Variants in TBC1D31 observed in about 807,000 individuals in gnomAD.
TBC1D31 encodes WD repeat domain 67.
TBC1D31 carries 99 observed loss-of-function variants against 132.9 expected under a neutral mutation model. That is an observed-to-expected ratio of 0.74 (90% confidence interval 0.63 to 0.88). TBC1D31 has a LOEUF of 0.88. Ranked by LOEUF, TBC1D31 falls within the 40% of genes least tolerant of loss-of-function variation. The pLI is 0.00. For missense variants in TBC1D31, 1,134 were observed against 1,256.6 expected (o/e 0.90, Z 1.48); for synonymous variants, 385 against 419.4 (o/e 0.92, Z 1.00).
chr8:123,108,963 C>T (rs1351965287), intron 8 of TBC1D31, among the ~76,000 whole-genome samples: 7 of 152,132 alleles, frequency 4.6e-5, no homozygotes, highest in East Asian at 1.9e-4. Flanking sequence ...GAACTACCCC[C>T]GTGATCCAGT....
In TBC1D31 at chr8:123,077,254, A is replaced by G. The variant is rs1814623327; in HGVS notation, c.221A>G (p.Asn74Ser). 3 of 1,609,528 alleles carry G rather than the reference A, an allele frequency of 1.9e-6. No homozygotes were observed. The highest frequency in any genetic ancestry group is 4.5e-5 in the East Asian group (2 of 44,816). ...GNIYVFDLHGNRFNLVQRTAQ... is the reference protein window; with the variant it reads ...GNIYVFDLHGSRFNLVQRTAQ... ...ATTTATGTTTTTGACTTACATGGAA[A>G]CAGGTAAGCAGATACCATTGATATC... The change falls in exon 2 of 22, where the codon AAC becomes AGC. Residue 74 changes from asparagine to serine, a missense_variant. By Grantham distance (46) the Asn-to-Ser change is conservative. Transcript: ENST00000287380.
chr8:123,117,503 C>A (rs1272667218), intron 10 of TBC1D31, among the ~76,000 whole-genome samples: 1 of 151,948 alleles, frequency 6.6e-6, no homozygotes, highest in Non-Finnish European at 1.5e-5. Flanking sequence ...GCCTGTAATC[C>A]CAGCACTTTG....
At chr8:123,093,531 T>C (rs1195576690) in intron 4 of TBC1D31, 60 bp from the exon 5 acceptor site, 6 of 1,206,558 alleles carry the variant, frequency 5.0e-6, no homozygotes, top group Non-Finnish European at 5.6e-6. Context: ...TGTATAATTT[T>C]AAATTTAAAG....
Position 123,128,455 on chromosome 8 carries a change from T to G in TBC1D31, c.2059T>G (p.Tyr687Asp), listed in dbSNP as rs778786241. 6.2e-7 allele frequency: 1 copy of G among 1,613,940 alleles called. No homozygotes were observed. The highest frequency in any genetic ancestry group is 8.5e-7 in the Non-Finnish European group (1 of 1,179,816). ...FNQYPKFIVD[Y>D]QTQERERIRN... ...TCAATATCCAAAGTTTATTGTGGAC[T>G]ATCAAACACAGGAACGAGAAAGAAT... The change falls in exon 14 of 22, where the codon TAT (tyrosine) becomes GAT (aspartate). Residue 687 changes from tyrosine (Y) to aspartate (D), a missense_variant. Transcript: ENST00000287380.
At chr8:123,159,456 T>C in the TBC1D31 span, among the ~76,000 whole-genome samples, 2 of 152,056 alleles carry the variant, frequency 1.3e-5, no homozygotes, top group Non-Finnish European at 2.9e-5. Context: ...ACTATTTCTG[T>C]AGAAAGGGGT....
chr8:123,131,162 G>A lies in TBC1D31; in HGVS notation c.2406+829G>A, dbSNP rs192424946. On this transcript the variant is annotated intron_variant, in intron 16 of 21. Transcript: ENST00000287380. ...GCAGATCACCTGAGGTCAGGAGTTC[G>A]GAACCAGCCTGGCCAACATGGTGAA... Among the ~76,000 whole-genome samples the A allele has an allele frequency of 4.6e-3, 698 of 151,408 alleles. 19 individuals carry two copies. The highest frequency in any genetic ancestry group is 0.026 in the East Asian group (133 of 5,020).
intron 6 of TBC1D31, among the ~76,000 whole-genome samples, chr8:123,098,057 G>A (rs184194185): frequency 7.9e-5 from 12 of 152,020 alleles, no homozygotes; most frequent in Admixed American, 6.6e-4. Flanking sequence ...TAACAGATTA[G>A]ATATATGTTT....
intron 8 of TBC1D31, among the ~76,000 whole-genome samples, chr8:123,108,145 TAA>T (rs2130512228): frequency 6.6e-6 from 1 of 152,310 alleles, no homozygotes; most frequent in Non-Finnish European, 1.5e-5. Flanking sequence ...AAAAGAGCAC[TAA>T]ACGAAATCAG....
chr8:123,126,845 G>A (rs62521801), intron 13 of TBC1D31, among the ~76,000 whole-genome samples, 158 bp downstream of exon 13: 10,288 of 151,922 alleles, frequency 0.068, 431 homozygotes, highest in Non-Finnish European at 0.092. Context: ...AAGTTCAAGC[G>A]ATTCTCCTGC....
rs1271485420 is a variant in TBC1D31 at position 123,097,273 on chromosome 8, T to A, written c.672-9T>A. On this transcript the variant is annotated splice_polypyrimidine_tract_variant and intron_variant, in intron 5 of 21. Coordinates refer to ENST00000287380, the MANE Select transcript of TBC1D31 (RefSeq NM_145647.4). Reference sequence around the variant, plus strand: ...CCCGTTTTTCTTTCTCACTTTTTTGTTTATATAGAGATGGCCGAATCCTGG... The same window carrying A: ...CCCGTTTTTCTTTCTCACTTTTTTGATTATATAGAGATGGCCGAATCCTGG... 3 of 1,612,762 alleles carry A rather than the reference T, an allele frequency of 1.9e-6. No homozygotes were observed. Among genetic ancestry groups the A allele is most frequent in the Non-Finnish European group, 2.5e-6 (3 of 1,179,706 alleles).
chr8:123,102,356 A>ATTTG, intron 7 of TBC1D31: 14 of 354,650 alleles, frequency 3.9e-5, no homozygotes, highest in Admixed American at 3.5e-4. Flanking sequence ...GGCGTTTGCC[A>ATTTG]CCTTTTTTTA....
At chr8:123,133,653 C>G (rs75783220) in intron 16 of TBC1D31, among the ~76,000 whole-genome samples, 3 of 152,176 alleles carry the variant, frequency 2.0e-5, no homozygotes, top group Non-Finnish European at 2.9e-5. Context: ...AATTAATTCA[C>G]TTGGAGCAGA....
intron 7 of TBC1D31, chr8:123,102,348 C>T (rs952755846): frequency 1.9e-5 from 8 of 416,308 alleles, no homozygotes; most frequent in East Asian, 7.4e-5. Flanking sequence ...TTTGGAGTGG[C>T]GTTTGCCACC....
chr8:123,092,464 G>A (rs115036262), intron 4 of TBC1D31, among the ~76,000 whole-genome samples: 2,593 of 151,970 alleles, frequency 0.017, 84 homozygotes, highest in African/African-American at 0.059. Context: ...AGTATATGTA[G>A]AACTATATAC....
In TBC1D31 at chr8:123,084,319, C is replaced by T; in HGVS notation, c.498C>T (p.Arg166=). Residue 166 remains arginine (R), a synonymous_variant, in exon 4 of 22, where the codon CGC becomes CGT. Coordinates refer to ENST00000287380, the MANE Select transcript of TBC1D31 (RefSeq NM_145647.4). ...TFQRKRKLNI[R]QSVGIQKVFF... is the part of the protein sequence containing the mutation. The stretch of plus-strand genomic sequence containing the variant: ...AGAGAAAAAGAAAGCTGAATATTCG[C>T]CAGTCTGTGGGTATACAGAAGGTCA... The T allele has an allele frequency of 6.2e-7, 1 of 1,614,016 alleles. No homozygotes were observed. Among genetic ancestry groups the T allele is most frequent in the South Asian group, 1.1e-5 (1 of 91,066 alleles).
At chr8:123,131,363 CAAAAAAAAAAAAAAA>C (rs59929988) in intron 16 of TBC1D31, among the ~76,000 whole-genome samples, 1 of 64,914 alleles carries the variant, frequency 1.5e-5, no homozygotes, top group Non-Finnish European at 2.9e-5. Flanking sequence ...GACTCAGTCT[CAAAAAAAAAAAAAAA>C]AAAAAAAAGG....
At position 123,128,431 on chromosome 8, in the gene TBC1D31, C is replaced by T. The variant is rs1820295526; in HGVS notation, c.2035C>T (p.Gln679Ter). The T allele has an allele frequency of 6.2e-7, 1 of 1,613,580 alleles. No homozygotes were observed. Among genetic ancestry groups the T allele is most frequent in the African/African-American group, 1.3e-5 (1 of 74,870 alleles). The change falls in exon 14 of 22, where the codon CAA (glutamine) becomes TAA (stop). Residue 679 changes from glutamine (Q) to a stop codon, truncating the protein, a stop_gained. Transcript: ENST00000287380. LOFTEE classifies it high-confidence loss of function. ...AAAAGGGCAGTATCCAGTATTTAAT[C>T]AATATCCAAAGTTTATTGTGGACTA... ...LTKGQYPVFN[Q>*]YPKFIVDYQT...
intron 8 of TBC1D31, among the ~76,000 whole-genome samples, chr8:123,106,210 A>G (rs776203417): frequency 3.3e-5 from 5 of 152,208 alleles, no homozygotes; most frequent in Admixed American, 6.5e-5. Context: ...GATTTCAGAA[A>G]AAACAATTCA....
intron 3 of TBC1D31, 99 bp downstream of exon 3, chr8:123,082,916 C>T: frequency 2.7e-6 from 2 of 728,730 alleles, no homozygotes; most frequent in Non-Finnish European, 4.5e-6. Flanking sequence ...GGGCAGTCCC[C>T]ATGACAGCCC....
Sources: allele counts gnomAD v4.1 joint callset (sites outside exome capture counted in the v4.1 genomes callset), GRCh38; gene constraint gnomAD v4.1.1; transcripts MANE v1.5; gene names NCBI Gene and HGNC (gene_info 2026-07-23, HGNC 2026-07-21).